TUBB6: variants seen among roughly 807,000 people sequenced by gnomAD.
TUBB6 encodes the protein tubulin beta-6 chain.
Under a neutral mutation model 32.3 loss-of-function variants are expected in TUBB6, and 18 were observed. The ratio of observed to expected loss-of-function variants is 0.56; its 90% CI spans 0.39 to 0.83. TUBB6 has a LOEUF of 0.83. TUBB6 is among the 40% of genes least tolerant of loss of function. The pLI, the probability that TUBB6 is intolerant of heterozygous loss-of-function variation, is 0.00. For synonymous variants in TUBB6, 280 were observed against 265.8 expected, an observed-to-expected ratio of 1.05 and a Z score of -0.52; for missense variants, 480 against 632.0, an observed-to-expected ratio of 0.76 and a Z score of 2.58.
intron 3 of TUBB6, among the ~76,000 whole-genome samples, chr18:12,323,494 A>C (rs1213491282): frequency 6.6e-6 from 1 of 152,198 alleles, no homozygotes; most frequent in East Asian, 1.9e-4. Flanking sequence ...TAAGATATAC[A>C]TAAGCCTGTC....
chr18:12,328,967 G>A (rs1331873393), downstream of TUBB6: 10 of 573,494 alleles, frequency 1.7e-5, no homozygotes, highest in African/African-American at 1.5e-4. Context: ...GTACAGTGTT[G>A]ACATTTTATT....
Position 12,325,199 on chromosome 18 carries a change from ACT to A in TUBB6, c.412_413del (p.Ser138AlafsTer19). 6.2e-7 allele frequency: 1 copy of A among 1,614,058 alleles called. No individual in the cohort carries two copies. Among genetic ancestry groups the A allele is most frequent in the Non-Finnish European group, 8.5e-7 (1 of 1,180,004 alleles). On this transcript the variant is annotated frameshift_variant, in exon 4 of 4. Coordinates refer to ENST00000317702, the MANE Select transcript of TUBB6 (RefSeq NM_032525.3). LOFTEE classifies it high-confidence loss of function. ...TGCCTGCAGGGCTTCCAGCTCACGC[ACT>A]CGCTGGGCGGCGGCACGGGCTCAGG... is the stretch of plus-strand genomic sequence containing the variant.
intron 3 of TUBB6, among the ~76,000 whole-genome samples, chr18:12,319,833 G>A (rs192423868): frequency 6.6e-6 from 1 of 151,982 alleles, no homozygotes; most frequent in Non-Finnish European, 1.5e-5. Context: ...GTCGCCCAGG[G>A]TGGAGTGCAG....
At chr18:12,309,427 A>C (rs1677144507) in intron 2 of TUBB6, among the ~76,000 whole-genome samples, 1 of 121,966 alleles carries the variant, frequency 8.2e-6, no homozygotes, top group South Asian at 3.1e-4. Flanking sequence ...TTTAAAACGT[A>C]TCTCTTATTG....
At position 12,308,706 on chromosome 18, in the gene TUBB6, A is replaced by G. The variant is rs755798353; in HGVS notation, c.77A>G (p.Asp26Gly). The G allele has an allele frequency of 1.1e-5, 18 of 1,612,454 alleles. No individual in the cohort carries two copies. The highest frequency in any genetic ancestry group is 1.0e-4 in the Admixed American group (6 of 59,978). The change falls in exon 2 of 4, where the codon GAT (aspartate) becomes GGT (glycine). Residue 26 changes from aspartate to glycine, a missense_variant. Physicochemically the swap from Asp to Gly is moderately conservative, Grantham distance 94. Transcript: ENST00000317702. ...CCCAAGTTTTGGGAAGTGATCAGCG[A>G]TGAGCACGGCATCGACCCGGCCGGA... ...IGTKFWEVISDEHGIDPAGGY... is the reference protein window; with the variant it reads ...IGTKFWEVISGEHGIDPAGGY...
intron 3 of TUBB6, among the ~76,000 whole-genome samples, chr18:12,323,397 A>C (rs1966267724): frequency 6.6e-6 from 1 of 152,242 alleles, no homozygotes; most frequent in Non-Finnish European, 1.5e-5. Flanking sequence ...TGCTAGTGAA[A>C]TAATCCATTT....
chr18:12,310,896 T>C (rs771876968), intron 2 of TUBB6, 47 bp from the exon 3 acceptor site: 1 of 1,417,678 alleles, frequency 7.1e-7, no homozygotes, highest in Admixed American at 2.1e-5. Flanking sequence ...GTCAATTACT[T>C]TAGAAACCTG....
chr18:12,308,247 C>A lies in TUBB6; in HGVS notation c.-46C>A, dbSNP rs777167006. 4.4e-6 allele frequency: 6 copies of A among 1,360,628 alleles called. No homozygotes were observed. The highest frequency in any genetic ancestry group is 4.8e-6 in the Non-Finnish European group (5 of 1,046,856). The allele number at this position is 1,360,628 out of a possible 1,614,324, so 84.3% of individuals were successfully genotyped here. On this transcript the variant is annotated 5_prime_UTR_variant, in exon 1 of 4. Transcript: ENST00000317702. ...ACGCGCGCAGCCGGCCCGCAGTTGC[C>A]GCTGTCGTCCGCAGAGCCAGTTCCT...
chr18:12,320,509 T>C (rs1036638855), intron 3 of TUBB6: 1 of 152,116 alleles, frequency 6.6e-6, no homozygotes, highest in Non-Finnish European at 1.5e-5. Flanking sequence ...CCCGAACTAG[T>C]GTTAAGATTC....
At chr18:12,328,189 C>T (rs1160062594), downstream of TUBB6, among the ~76,000 whole-genome samples, 1 of 152,182 alleles carries the variant, frequency 6.6e-6, no homozygotes, top group Non-Finnish European at 1.5e-5. Flanking sequence ...GGGAAGTAGC[C>T]ATGGGTGGAG....
In TUBB6 at chr18:12,308,247, C is replaced by G. The variant is rs777167006; in HGVS notation, c.-46C>G. The G allele has an allele frequency of 1.4e-5, 19 of 1,360,520 alleles. No homozygotes were observed. In the South Asian group the frequency reaches 1.7e-4, roughly 12 times the overall value. 84.3% of individuals were successfully genotyped at this position (1,360,520 alleles called of 1,614,324 possible). On this transcript the variant is annotated 5_prime_UTR_variant, in exon 1 of 4. Coordinates refer to ENST00000317702, the MANE Select transcript of TUBB6 (RefSeq NM_032525.3). Reference sequence around the variant, plus strand: ...ACGCGCGCAGCCGGCCCGCAGTTGCCGCTGTCGTCCGCAGAGCCAGTTCCT... The same window carrying G: ...ACGCGCGCAGCCGGCCCGCAGTTGCGGCTGTCGTCCGCAGAGCCAGTTCCT...
chr18:12,312,076 T>C (rs11080567), intron 3 of TUBB6, among the ~76,000 whole-genome samples: 120,106 of 152,100 alleles, frequency 0.79, 48,657 homozygotes, highest in Non-Finnish European at 0.88. Context: ...ATCTACATTC[T>C]AACCCCTTTC....
intron 3 of TUBB6, among the ~76,000 whole-genome samples, chr18:12,318,586 A>C (rs1265540538): frequency 3.3e-5 from 5 of 151,840 alleles, no homozygotes; most frequent in African/African-American, 1.2e-4. Flanking sequence ...TGGACTGCCA[A>C]ATGGGGCAAA....
At chr18:12,320,253 T>G (rs1906916619) in intron 3 of TUBB6, among the ~76,000 whole-genome samples, 1 of 107,496 alleles carries the variant, frequency 9.3e-6, no homozygotes, top group African/African-American at 2.9e-5. Flanking sequence ...AAAAATTCCT[T>G]TTTTATACTT....
intron 3 of TUBB6, among the ~76,000 whole-genome samples, chr18:12,322,143 A>T (rs1907021710): frequency 6.6e-6 from 1 of 151,526 alleles, no homozygotes. Flanking sequence ...TCTACTAAAA[A>T]ATACAAAAAT....
downstream of TUBB6, chr18:12,329,764 T>C (rs562544252): frequency 8.7e-5 from 140 of 1,614,044 alleles, 5 homozygotes; most frequent in South Asian, 1.5e-3. Flanking sequence ...TACTTCTTTT[T>C]CTAACAACAG....
Position 12,325,725 on chromosome 18 carries a change from C to T in TUBB6, c.936C>T (p.Thr312=), listed in dbSNP as rs940352175. 1 of 1,614,118 alleles carries T rather than the reference C, an allele frequency of 6.2e-7. No individual in the cohort carries two copies. Among genetic ancestry groups the T allele is most frequent in the African/African-American group, 1.3e-5 (1 of 74,956 alleles). ...ACDPRHGRYL[T]VATVFRGPMS... is the part of the protein sequence containing the mutation. The stretch of plus-strand genomic sequence containing the variant: ...ATCCGCGCCATGGCCGCTACCTGAC[C>T]GTGGCCACCGTGTTCCGCGGGCCCA... The change falls in exon 4 of 4, where the codon ACC becomes ACT. Residue 312 remains threonine, a synonymous_variant. Coordinates refer to ENST00000317702, the MANE Select transcript of TUBB6 (RefSeq NM_032525.3).
rs1285198262 is a variant in TUBB6 at position 12,325,287 on chromosome 18, C to G, written c.498C>G (p.Thr166=). The G allele has an allele frequency of 1.2e-6, 2 of 1,614,236 alleles. No homozygotes were observed. Among genetic ancestry groups the G allele is most frequent in the Admixed American group, 1.7e-5 (1 of 60,024 alleles). Residue 166 remains threonine, a synonymous_variant, in exon 4 of 4, where the codon ACC becomes ACG. Coordinates refer to ENST00000317702, the MANE Select transcript of TUBB6 (RefSeq NM_032525.3). ...REEFPDRIMN[T]FSVMPSPKVS... ...AGTTCCCGGACCGCATCATGAACAC[C>G]TTCAGCGTCATGCCCTCGCCCAAGG...
chr18:12,328,753 T>A (rs892088172), downstream of TUBB6, among the ~76,000 whole-genome samples: 1 of 152,250 alleles, frequency 6.6e-6, no homozygotes, highest in Non-Finnish European at 1.5e-5. Flanking sequence ...TCAGGACCCA[T>A]GTACTTTATA....
Sources: allele counts gnomAD v4.1 joint callset (sites outside exome capture counted in the v4.1 genomes callset), GRCh38; gene constraint gnomAD v4.1.1; transcripts MANE v1.5; gene names NCBI Gene and HGNC (gene_info 2026-07-23, HGNC 2026-07-21).